Variants in ALDH16A1 observed in about 807,000 individuals in gnomAD.
ALDH16A1 encodes the protein aldehyde dehydrogenase family 16 member A1.
In ALDH16A1, 88 loss-of-function variants were observed where a neutral mutation model predicts 96.1. The observed-to-expected ratio is 0.92, with a 90% confidence interval of 0.77 to 1.09. The LOEUF (loss-of-function observed/expected upper bound fraction) is 1.09, where lower values mean the gene tolerates loss of function less well. Among genes scored for constraint, ALDH16A1 ranks in the 50% least tolerant of loss-of-function variants. ALDH16A1 has a pLI of 0.00. For synonymous variants in ALDH16A1, 522 were observed against 496.4 expected (o/e 1.05, Z -0.69); for missense variants, 1,250 against 1,112.6 (o/e 1.12, Z -1.76).
rs772924608 is a variant in ALDH16A1 at position 49,453,295 on chromosome 19, G to T, written c.-37G>T. ...CTCAAGGTTCCCCTTAACACAGAGC[G>T]CCCCGCAGTCTTCGCGGAAAGCGTT... On this transcript the variant is annotated 5_prime_UTR_variant, in exon 1 of 17. Coordinates refer to ENST00000293350, the MANE Select transcript of ALDH16A1 (RefSeq NM_153329.4). 4.6e-6 allele frequency: 7 copies of T among 1,521,482 alleles called. No individual in the cohort carries two copies. Among genetic ancestry groups the T allele is most frequent in the Non-Finnish European group, 5.3e-6 (6 of 1,132,284 alleles). The allele number at this position is 1,521,482 out of a possible 1,614,324, so 94.2% of individuals were successfully genotyped here.
chr19:49,465,698 G>A (rs2079191639), intron 12 of ALDH16A1, 40 bp from the exon 13 acceptor site: 4 of 1,582,750 alleles, frequency 2.5e-6, no homozygotes. Flanking sequence ...TGAGCAGATT[G>A]AGGCCCCAGG....
At chr19:49,460,706 AC>A (rs1324574244) in intron 4 of ALDH16A1, 115 bp from the exon 5 acceptor site, 5 of 868,348 alleles carry the variant, frequency 5.8e-6, no homozygotes, top group East Asian at 5.4e-5. Flanking sequence ...GAGCCACCAC[AC>A]CCGGCCATTT....
rs374602442 is a variant in ALDH16A1 at position 49,453,398 on chromosome 19, C to T, written c.67C>T (p.Pro23Ser). 1.5e-5 allele frequency: 24 copies of T among 1,558,630 alleles called. No homozygotes were observed. Among genetic ancestry groups the T allele is most frequent in the East Asian group, 2.4e-5 (1 of 42,116 alleles). The change falls in exon 1 of 17, where the codon CCG becomes TCG. Residue 23 changes from proline (P) to serine (S), a missense_variant. Coordinates refer to ENST00000293350, the MANE Select transcript of ALDH16A1 (RefSeq NM_153329.4). Reference protein sequence around the residue: ...IFTSLEYGPVPESHACALAWL... With the variant: ...IFTSLEYGPVSESHACALAWL... ...CACCTCGCTGGAGTACGGACCGGTG[C>T]CGGAGAGCCACGCATGCGCACTGGT...
Position 49,461,687 on chromosome 19 carries a change from G to T in ALDH16A1, c.646G>T (p.Glu216Ter), listed in dbSNP as rs958686236. Residue 216 changes from glutamate (E) to a stop codon, truncating the protein, a stop_gained, in exon 6 of 17, where the codon GAG (glutamate) becomes TAG (stop). Coordinates refer to ENST00000293350, the MANE Select transcript of ALDH16A1 (RefSeq NM_153329.4). LOFTEE classifies it high-confidence loss of function. ...CCTCCTCCTGGCCCAGCTGGCGGGG[G>T]AGCTGGGCCCCTTCCCGGGAATCCT... Reference protein sequence around the residue: ...APLLLAQLAGELGPFPGILNV... With the variant: ...APLLLAQLAG 2 of 1,608,130 alleles carry T rather than the reference G, an allele frequency of 1.2e-6. No individual in the cohort carries two copies. Among genetic ancestry groups the T allele is most frequent in the South Asian group, 1.1e-5 (1 of 90,328 alleles).
At chr19:49,470,241 G>A (rs2079233605) in intron 16 of ALDH16A1, 65 bp from the exon 17 acceptor site, 12 of 1,581,894 alleles carry the variant, frequency 7.6e-6, no homozygotes, top group East Asian at 2.3e-5. Flanking sequence ...TCTTCATCGC[G>A]GAGGAAGCAG....
chr19:49,460,597 G>A (rs1023688045), intron 4 of ALDH16A1, among the ~76,000 whole-genome samples: 2 of 151,276 alleles, frequency 1.3e-5, no homozygotes, highest in Non-Finnish European at 1.5e-5. Flanking sequence ...TGTTTTTAGT[G>A]GAGATGGGGT....
intron 16 of ALDH16A1, chr19:49,469,231 A>T (rs541677963): frequency 2.7e-4 from 109 of 401,192 alleles, no homozygotes; most frequent in South Asian, 4.2e-4. Flanking sequence ...GTTGCTAAGG[A>T]CCACACCCTA....
chr19:49,470,256 T>C (rs2079233786), intron 16 of ALDH16A1, 50 bp from the exon 17 acceptor site: 1 of 1,604,106 alleles, frequency 6.2e-7, no homozygotes, highest in Non-Finnish European at 8.5e-7. Context: ...AAGCAGGTGC[T>C]CAGCAACAAG....
intron 1 of ALDH16A1, among the ~76,000 whole-genome samples, chr19:49,454,257 A>G (rs983788836): frequency 2.0e-5 from 3 of 152,024 alleles, no homozygotes; most frequent in African/African-American, 7.2e-5. Flanking sequence ...TCCTGGCCTC[A>G]AGTGATCCAC....
rs1029314951 is a variant in ALDH16A1 at position 49,469,312 on chromosome 19, C to G, written c.2247+326C>G. On this transcript the variant is annotated intron_variant, in intron 16 of 16. Transcript: ENST00000293350. ...AGAACCTCACCCTGTCACCCAGATG[C>G]AATCATACCTCACTGCAGCCGCAAC... The G allele has an allele frequency of 5.4e-5, 10 of 185,422 alleles. No individual in the cohort carries two copies. The Admixed American group carries it at 6.0e-4, about 11-fold the overall frequency. The allele number at this position is 185,422 out of a possible 1,614,324, so 11.5% of individuals were successfully genotyped here.
rs1172411918 is a variant in ALDH16A1, at chr19:49,459,109, C to T, written c.320+23C>T. 6.3e-7 allele frequency: 1 copy of T among 1,598,278 alleles called. No homozygotes were observed. Among genetic ancestry groups the T allele is most frequent in the Non-Finnish European group, 8.6e-7 (1 of 1,169,588 alleles). On this transcript the variant is annotated intron_variant, in intron 3 of 16. Transcript: ENST00000293350. This position sits in a 1 kb window ranked among gnomAD's most constrained non-coding sequence, Gnocchi z 4.1. Reference sequence around the variant, plus strand: ...CAGGTGATGCAGCTGAGGTGTGGACCCCGGGAGGCGGGGAACCCCAGCATC... The same window carrying T: ...CAGGTGATGCAGCTGAGGTGTGGACTCCGGGAGGCGGGGAACCCCAGCATC...
At chr19:49,469,075 A>C in intron 16 of ALDH16A1, 89 bp downstream of exon 16, 1 of 1,497,154 alleles carries the variant, frequency 6.7e-7, no homozygotes. Flanking sequence ...CCCTCTTAGA[A>C]CTCCTGTTGG....
At chr19:49,455,003 A>G (rs1291533383) in intron 1 of ALDH16A1, among the ~76,000 whole-genome samples, 2 of 149,404 alleles carry the variant, frequency 1.3e-5, no homozygotes, top group African/African-American at 5.1e-5. Context: ...CTGTAATCCT[A>G]GCTACTTGGG....
chr19:49,467,557 G>A (rs1281273406), intron 14 of ALDH16A1, among the ~76,000 whole-genome samples: 1 of 151,194 alleles, frequency 6.6e-6, no homozygotes, highest in African/African-American at 2.4e-5. Flanking sequence ...ACCACACCCG[G>A]CTAATTTTTT....
In ALDH16A1 at chr19:49,464,142, G is replaced by A. The variant is rs1286910785; in HGVS notation, c.1210G>A (p.Val404Ile). ...CCCCTTGCAGGTGCCGTGGCCTGTG[G>A]TCGTGGCCTCCCCCTTCCGCACAGC... ...CAQVEVPWPV[V>I]VASPFRTAKE... The change falls in exon 10 of 17, where the codon GTC becomes ATC. Residue 404 changes from valine (V) to isoleucine (I), a missense_variant. By Grantham distance (29) the Val-to-Ile change is conservative. Transcript: ENST00000293350. The A allele has an allele frequency of 3.1e-6, 5 of 1,608,550 alleles. No individual in the cohort carries two copies. The highest frequency in any genetic ancestry group is 1.1e-5 in the South Asian group (1 of 90,990).
At position 49,468,524 on chromosome 19, in the gene ALDH16A1, GC is replaced by G; in HGVS notation, c.2085del (p.Ser696ValfsTer27). ...LAYGNTVVMVPSAACPLLALE... is the reference protein window; with the variant it reads ...LAYGNTVVMVXSAACPLLALE... ...CCTACGGCAACACTGTGGTCATGGT[GC>G]CCAGTGCGGCCTGTCCTCTGCTGGC... is the stretch of plus-strand genomic sequence containing the variant. On this transcript the variant is annotated frameshift_variant, in exon 15 of 17. Transcript: ENST00000293350. LOFTEE classifies it high-confidence loss of function. The surrounding 1 kb of genome is among the most constrained non-coding windows in gnomAD (Gnocchi z 4.4). 1 of 1,604,510 alleles carries G rather than the reference GC, an allele frequency of 6.2e-7. No homozygotes were observed.
chr19:49,460,854 T>A lies in ALDH16A1; in HGVS notation c.532T>A (p.Ser178Thr). 1.2e-6 allele frequency: 2 copies of A among 1,613,694 alleles called. No homozygotes were observed. Among genetic ancestry groups the A allele is most frequent in the African/African-American group, 1.3e-5 (1 of 74,998 alleles). The change falls in exon 5 of 17, where the codon TCC becomes ACC. Residue 178 changes from serine (S) to threonine (T), a missense_variant. Physicochemically the swap from Ser to Thr is moderately conservative, Grantham distance 58. Transcript: ENST00000293350. ...TGGCCTCATCCTGCCACCCACATTC[T>A]CCTTCCTTGAGATGATGTGGAGGAT... ...VIGLILPPTF[S>T]FLEMMWRICP...
In ALDH16A1 at chr19:49,464,694, C is replaced by A. The variant is rs1191633515; in HGVS notation, c.1500C>A (p.Asn500Lys). 1.2e-6 allele frequency: 2 copies of A among 1,613,498 alleles called. No homozygotes were observed. The highest frequency in any genetic ancestry group is 2.2e-5 in the East Asian group (1 of 44,900). Residue 500 changes from asparagine to lysine, a missense_variant, in exon 12 of 17, where the codon AAC (asparagine) becomes AAA (lysine). Coordinates refer to ENST00000293350, the MANE Select transcript of ALDH16A1 (RefSeq NM_153329.4). ...TPARLSCLSK[N>K]LNYDTFGLAV... ...CCCGGCTGTCCTGCCTCTCCAAGAACCTGAACTATGACACCTTTGGCCTCG... is the reference window on the plus strand; with the variant it reads ...CCCGGCTGTCCTGCCTCTCCAAGAAACTGAACTATGACACCTTTGGCCTCG...
chr19:49,456,467 C>G (rs2079105403), intron 1 of ALDH16A1, among the ~76,000 whole-genome samples: 1 of 152,188 alleles, frequency 6.6e-6, no homozygotes, highest in African/African-American at 2.4e-5. Flanking sequence ...TCACTGCAGC[C>G]TGAAACTCCT....
Sources: gnomAD v4.1 joint callset for allele counts (sites outside exome capture counted in the v4.1 genomes callset) on GRCh38, gnomAD v4.1.1 for gene constraint, Gnocchi (gnomAD v3.1) non-coding constraint, MANE v1.5 for transcripts, NCBI Gene and HGNC (gene_info 2026-07-23, HGNC 2026-07-21) for gene names.